COMMD6: variants seen among roughly 807,000 people sequenced by gnomAD.
COMMD6 encodes the protein COMM domain-containing protein 6.
A neutral mutation model predicts 13.4 loss-of-function variants in COMMD6; 11 were observed. That is an observed-to-expected ratio of 0.82 (90% CI 0.52 to 1.36). The LOEUF (loss-of-function observed/expected upper bound fraction) is 1.36. COMMD6 is among the 40% of genes most tolerant of loss of function. The pLI, the probability that COMMD6 is intolerant of heterozygous loss-of-function variation, is 0.00. For synonymous variants in COMMD6, 43 were observed against 36.5 expected, an observed-to-expected ratio of 1.18 and a Z score of -0.64; for missense variants, 124 against 102.4, an observed-to-expected ratio of 1.21 and a Z score of -0.91.
At chr13:75,533,871 G>T (rs1482936004) in intron 2 of COMMD6, among the ~76,000 whole-genome samples, 2 of 152,140 alleles carry the variant, frequency 1.3e-5, no homozygotes, top group African/African-American at 4.8e-5. Flanking sequence ...TCAGAAAGTG[G>T]CTAAAAATCC....
intron 1 of COMMD6, among the ~76,000 whole-genome samples, chr13:75,545,592 G>T (rs988162411): frequency 6.6e-6 from 1 of 151,744 alleles, no homozygotes; most frequent in Non-Finnish European, 1.5e-5. Context: ...CCTGCCTCAG[G>T]CTCCCGAGTA....
rs1270872352 is a variant in COMMD6 at position 75,526,632 on chromosome 13, T to C, written c.215A>G (p.Tyr72Cys). The change falls in exon 4 of 4, where the codon TAC (tyrosine) becomes TGC (cysteine). Residue 72 changes from tyrosine to cysteine, a missense_variant. Transcript: ENST00000682242. ...EMTIPQFQNF[Y>C]RQFKEIAAVI... is the part of the protein sequence containing the mutation. ...TGCAGCAATTTCCTTGAACTGTCTG[T>C]AGAAATTCTGGAGAGAAAGGGGGAA... The C allele has an allele frequency of 1.9e-6, 3 of 1,603,160 alleles. No homozygotes were observed. The highest frequency in any genetic ancestry group is 1.7e-6 in the Non-Finnish European group (2 of 1,172,948).
intron 2 of COMMD6, among the ~76,000 whole-genome samples, chr13:75,531,964 T>A (rs909236549): frequency 6.6e-6 from 1 of 152,162 alleles, no homozygotes; most frequent in Non-Finnish European, 1.5e-5. Context: ...TCAACAGAAA[T>A]AAAATGGATA....
chr13:75,539,981 T>G (rs1025578866), upstream of COMMD6, among the ~76,000 whole-genome samples: 1 of 150,612 alleles, frequency 6.6e-6, no homozygotes, highest in Non-Finnish European at 1.5e-5. Context: ...TTTTTTTTTT[T>G]TTTTTTTGAG....
At chr13:75,548,518 T>C (rs2030956087) in intron 1 of COMMD6, among the ~76,000 whole-genome samples, 1 of 152,098 alleles carries the variant, frequency 6.6e-6, no homozygotes, top group Non-Finnish European at 1.5e-5. Flanking sequence ...ATTTATGGAG[T>C]TATCATTGAT....
chr13:75,544,481 G>C (rs1249971397), intron 1 of COMMD6, among the ~76,000 whole-genome samples: 1 of 152,174 alleles, frequency 6.6e-6, no homozygotes, highest in Middle Eastern at 3.2e-3. Flanking sequence ...AGTGAGACCA[G>C]CCAGGCATGG....
At chr13:75,532,016 C>T (rs868639996) in intron 2 of COMMD6, among the ~76,000 whole-genome samples, 2 of 152,154 alleles carry the variant, frequency 1.3e-5, no homozygotes, top group African/African-American at 2.4e-5. Context: ...TTCAATTACA[C>T]GTAAAACCAA....
chr13:75,540,367 CACACAG>C (rs1354433197), upstream of COMMD6, among the ~76,000 whole-genome samples: 2 of 151,634 alleles, frequency 1.3e-5, no homozygotes, highest in Non-Finnish European at 1.5e-5. Context: ...CACACACACA[CACACAG>C]ACACACACCC....
chr13:75,540,919 T>G (rs1488363387), upstream of COMMD6, among the ~76,000 whole-genome samples: 1 of 152,170 alleles, frequency 6.6e-6, no homozygotes, highest in Non-Finnish European at 1.5e-5. Flanking sequence ...AAGCAGGCAA[T>G]GCTTCAATTT....
Position 75,533,570 on chromosome 13 carries a change from G to GGAA in COMMD6, c.55-3305_55-3304insTTC, listed in dbSNP as rs762486504. Among the ~76,000 whole-genome samples the GGAA allele has an allele frequency of 3.8e-5, 5 of 131,060 alleles. 1 individual carries two copies. Among genetic ancestry groups the GGAA allele is most frequent in the South Asian group, 5.6e-4 (2 of 3,574 alleles). The allele number at this position is 131,060 out of a possible 152,430, so 86.0% of individuals were successfully genotyped here. A position where few individuals can be genotyped will look rare whatever the true frequency, so the allele number is the denominator to read the frequency against. On this transcript the variant is annotated intron_variant, in intron 2 of 3. Coordinates refer to ENST00000682242, the MANE Select transcript of COMMD6 (RefSeq NM_203495.4). ...GGCAACAGAGCGAGACCCCAAATCTGAAAAAAAAAAAAAAAAAAGAGAGAG... is the reference window on the plus strand; with the variant it reads ...GGCAACAGAGCGAGACCCCAAATCTGGAAAAAAAAAAAAAAAAAAAAGAGAGAG...
At chr13:75,535,244 A>C (rs1457579344) in intron 2 of COMMD6, among the ~76,000 whole-genome samples, 2 of 152,316 alleles carry the variant, frequency 1.3e-5, no homozygotes, top group Admixed American at 1.3e-4. Context: ...TGAGCTAGGA[A>C]GAGTGGTAAG....
At chr13:75,528,949 G>A (rs1029848204) in intron 3 of COMMD6, among the ~76,000 whole-genome samples, 2 of 152,052 alleles carry the variant, frequency 1.3e-5, no homozygotes, top group Non-Finnish European at 2.9e-5. Flanking sequence ...AGTGGTATAT[G>A]AAAGGGTTTT....
intron 1 of COMMD6, among the ~76,000 whole-genome samples, chr13:75,544,734 A>G (rs2030876936): frequency 6.6e-6 from 1 of 152,084 alleles, no homozygotes; most frequent in South Asian, 2.1e-4. Context: ...CTGCACTCCT[A>G]GGCAACAGAA....
chr13:75,531,138 T>A (rs2030464754), intron 2 of COMMD6, among the ~76,000 whole-genome samples: 1 of 152,212 alleles, frequency 6.6e-6, no homozygotes, highest in South Asian at 2.1e-4. Context: ...GCAAAAAACT[T>A]CACTTGTTAA....
upstream of COMMD6, among the ~76,000 whole-genome samples, chr13:75,539,764 G>A (rs970349633): frequency 1.3e-5 from 2 of 151,868 alleles, no homozygotes. Flanking sequence ...TGTAGCACTC[G>A]GAAACTAGGC....
In COMMD6 at chr13:75,537,686, A is replaced by G; in HGVS notation, c.43-11T>C. Reference sequence around the variant, plus strand: ...CACCTGGTTGGTGACCTGAAACGGAAGCAGAAACACAATTTAGAGAAACAT... The same window carrying G: ...CACCTGGTTGGTGACCTGAAACGGAGGCAGAAACACAATTTAGAGAAACAT... On this transcript the variant is annotated splice_polypyrimidine_tract_variant and intron_variant, in intron 1 of 3. Transcript: ENST00000682242. 1 of 1,614,044 alleles carries G rather than the reference A, an allele frequency of 6.2e-7. No individual in the cohort carries two copies. The highest frequency in any genetic ancestry group is 8.5e-7 in the Non-Finnish European group (1 of 1,179,912).
At position 75,526,314 on chromosome 13, in the gene COMMD6, A is replaced by G. The variant is rs2030252817; in HGVS notation, c.*275T>C. 6.5e-6 allele frequency: 2 copies of G among 305,532 alleles called. No homozygotes were observed. The highest frequency in any genetic ancestry group is 1.2e-5 in the Non-Finnish European group (2 of 168,178). The allele number at this position is 305,532 out of a possible 1,614,324, so 18.9% of individuals were successfully genotyped here. On this transcript the variant is annotated 3_prime_UTR_variant, in exon 4 of 4. Transcript: ENST00000682242. ...TAAATTTGTGCTGCCTCCAACAGCA[A>G]TGATTCAACTGTTAGTCTGATTACA...
Position 75,525,384 on chromosome 13 carries a change from T to C in COMMD6, c.*1205A>G, listed in dbSNP as rs1385918590. ...GTAAGTGGGAGACAGAGGAACCTCA[T>C]GCACAGTTACAGAAGGCAGGTTTGC... is the stretch of plus-strand genomic sequence containing the variant. On this transcript the variant is annotated 3_prime_UTR_variant, in exon 4 of 4. Transcript: ENST00000682242. The C allele has an allele frequency of 6.6e-6, 1 of 152,250 alleles. No individual in the cohort carries two copies. Among genetic ancestry groups the C allele is most frequent in the Admixed American group, 6.5e-5 (1 of 15,272 alleles). 9.4% of individuals were successfully genotyped at this position (152,250 alleles called of 1,614,324 possible). A position where few individuals can be genotyped will look rare whatever the true frequency, so the allele number is the denominator to read the frequency against.
intron 2 of COMMD6, among the ~76,000 whole-genome samples, chr13:75,532,796 T>G (rs977709236): frequency 1.3e-5 from 2 of 152,234 alleles, no homozygotes; most frequent in African/African-American, 4.8e-5. Context: ...AGCCAGTAAT[T>G]CCTTGCAAAT....
Sources: allele counts gnomAD v4.1 joint callset (sites outside exome capture counted in the v4.1 genomes callset), GRCh38; gene constraint gnomAD v4.1.1; transcripts MANE v1.5; gene names NCBI Gene and HGNC (gene_info 2026-07-23, HGNC 2026-07-21).